Variants in ZZZ3 observed in about 807,000 individuals in gnomAD.
ZZZ3 encodes zinc finger ZZ-type containing 3.
Under a neutral mutation model 95.2 loss-of-function variants are expected in ZZZ3, and 22 were observed. That is an observed-to-expected ratio of 0.23 (90% CI 0.17 to 0.33). ZZZ3 has a LOEUF of 0.33. ZZZ3 is among the 10% of genes least tolerant of loss of function. ZZZ3 has a pLI of 1.00. For synonymous variants in ZZZ3, 335 were observed against 358.9 expected (o/e 0.93, Z 0.75); for missense variants, 885 against 1,066.5 (o/e 0.83, Z 2.37).
intron 5 of ZZZ3, among the ~76,000 whole-genome samples, chr1:77,603,229 C>T (rs1015549724): frequency 6.6e-6 from 1 of 152,112 alleles, no homozygotes; most frequent in Admixed American, 6.5e-5. Flanking sequence ...CAGGCGCAAG[C>T]CACAATGCCC....
intron 5 of ZZZ3, among the ~76,000 whole-genome samples, chr1:77,599,220 T>C (rs368729002): frequency 1.2e-4 from 18 of 152,144 alleles, no homozygotes; most frequent in South Asian, 1.0e-3. Context: ...CAAGACAAAA[T>C]TAAAACTTGT....
At chr1:77,627,552 T>C (rs553365927) in intron 5 of ZZZ3, among the ~76,000 whole-genome samples, 2 of 152,358 alleles carry the variant, frequency 1.3e-5, no homozygotes, top group African/African-American at 2.4e-5. Context: ...TTTAATCAAC[T>C]ATGAAATAAG....
At chr1:77,591,421 C>T (rs1457695621) in intron 5 of ZZZ3, among the ~76,000 whole-genome samples, 2 of 152,164 alleles carry the variant, frequency 1.3e-5, no homozygotes, top group African/African-American at 4.8e-5. Flanking sequence ...TAGGTCACTG[C>T]AGCCTCAAAC....
At chr1:77,590,464 T>G (rs982080706) in intron 5 of ZZZ3, among the ~76,000 whole-genome samples, 1 of 152,248 alleles carries the variant, frequency 6.6e-6, no homozygotes, top group African/African-American at 2.4e-5. Context: ...TTTACATAAT[T>G]TCTATGGCTG....
chr1:77,634,263 G>A (rs1307743449), intron 4 of ZZZ3, among the ~76,000 whole-genome samples: 3 of 152,092 alleles, frequency 2.0e-5, no homozygotes, highest in East Asian at 3.9e-4. Flanking sequence ...ATCATTTCTC[G>A]TGTTCTTTCA....
At chr1:77,665,207 A>G (rs752867514) in intron 1 of ZZZ3, among the ~76,000 whole-genome samples, 1 of 152,246 alleles carries the variant, frequency 6.6e-6, no homozygotes, top group Non-Finnish European at 1.5e-5. Context: ...AGAAACCAAC[A>G]TCAACTTAGA....
intron 5 of ZZZ3, among the ~76,000 whole-genome samples, chr1:77,613,873 A>G (rs1666054528): frequency 6.6e-6 from 1 of 152,178 alleles, no homozygotes; most frequent in Non-Finnish European, 1.5e-5. Context: ...CATTTTTAAT[A>G]TATCAAAAAT....
chr1:77,672,172 T>A (rs1324898018), intron 1 of ZZZ3, among the ~76,000 whole-genome samples: 1 of 152,222 alleles, frequency 6.6e-6, no homozygotes, highest in Non-Finnish European at 1.5e-5. Context: ...GATTCTGATA[T>A]TCAGAATCTG....
chr1:77,587,694 G>A (rs1297093831), intron 5 of ZZZ3, among the ~76,000 whole-genome samples: 2 of 152,166 alleles, frequency 1.3e-5, no homozygotes, highest in Non-Finnish European at 2.9e-5. Flanking sequence ...AGATGGATGA[G>A]AAACAATGTA....
In ZZZ3 at chr1:77,584,901, A is replaced by G. The variant is rs1041375686; in HGVS notation, c.1506-246T>C. The stretch of plus-strand genomic sequence containing the variant: ...TTAAGTTTTTAATTCTTGAACCTGA[A>G]CAAGTACCAAAATAAAAGAGCATTT... On this transcript the variant is annotated intron_variant, in intron 5 of 14. Transcript: ENST00000370801. 6 of 269,668 alleles carry G rather than the reference A, an allele frequency of 2.2e-5. No homozygotes were observed. In the South Asian group the frequency reaches 6.4e-4, roughly 29 times the overall value. The allele number at this position is 269,668 out of a possible 1,614,324, so 16.7% of individuals were successfully genotyped here. A position where few individuals can be genotyped will look rare whatever the true frequency, so the allele number is the denominator to read the frequency against.
chr1:77,577,646 G>T (rs1662093988), intron 11 of ZZZ3, among the ~76,000 whole-genome samples: 1 of 152,174 alleles, frequency 6.6e-6, no homozygotes, highest in Admixed American at 6.5e-5. Flanking sequence ...CTCTTTATGA[G>T]AAAGATGTCA....
chr1:77,682,328 G>C (rs535036341), intron 1 of ZZZ3, among the ~76,000 whole-genome samples: 2 of 152,358 alleles, frequency 1.3e-5, no homozygotes, highest in Non-Finnish European at 2.9e-5. Context: ...GTATCCAATG[G>C]AATCATCAGG....
intron 1 of ZZZ3, among the ~76,000 whole-genome samples, chr1:77,670,541 G>T (rs1016071062): frequency 6.6e-6 from 1 of 152,074 alleles, no homozygotes; most frequent in African/African-American, 2.4e-5. Flanking sequence ...TTACAGGCAT[G>T]ATGAGCCACT....
chr1:77,600,572 G>A (rs577621875), intron 5 of ZZZ3, among the ~76,000 whole-genome samples: 1 of 152,066 alleles, frequency 6.6e-6, no homozygotes, highest in Admixed American at 6.6e-5. Context: ...AAGGGTCAGG[G>A]GTGGCTTCCC....
At chr1:77,581,721 A>C in intron 8 of ZZZ3, 55 bp downstream of exon 8, 1 of 1,367,356 alleles carries the variant, frequency 7.3e-7, no homozygotes, top group Non-Finnish European at 1.0e-6. Flanking sequence ...GCAAAATGTT[A>C]AATTGTTTTG....
chr1:77,650,874 C>CT (rs1229553587), intron 1 of ZZZ3, among the ~76,000 whole-genome samples: 2 of 152,024 alleles, frequency 1.3e-5, no homozygotes, highest in African/African-American at 4.8e-5. Flanking sequence ...AGAGATGTTG[C>CT]TATAGATTCT....
intron 13 of ZZZ3, among the ~76,000 whole-genome samples, chr1:77,567,568 G>C (rs975315043): frequency 1.3e-5 from 2 of 152,166 alleles, no homozygotes; most frequent in African/African-American, 4.8e-5. Flanking sequence ...TTTATAAGGC[G>C]GTGCAAGCAG....
At chr1:77,587,409 C>T (rs1388480652) in intron 5 of ZZZ3, among the ~76,000 whole-genome samples, 1 of 151,812 alleles carries the variant, frequency 6.6e-6, no homozygotes, top group African/African-American at 2.4e-5. Context: ...GGACTACAGG[C>T]ACCCGCCACC....
At position 77,582,023 on chromosome 1, in the gene ZZZ3, T is replaced by C; in HGVS notation, c.1748A>G (p.Asn583Ser). 6.2e-7 allele frequency: 1 copy of C among 1,611,680 alleles called. No homozygotes were observed. The highest frequency in any genetic ancestry group is 8.5e-7 in the Non-Finnish European group (1 of 1,178,054). ...SLGNFEREFK[N>S]RKRHTRRVKL... is the part of the protein sequence containing the mutation. ...AACTCTTCTAGTATGTCTTTTACGA[T>C]TTTTAAATTCTCTTTCAAAATTCCC... The change falls in exon 7 of 15, where the codon AAT (asparagine) becomes AGT (serine). Residue 583 changes from asparagine to serine, a missense_variant. By Grantham distance (46) the Asn-to-Ser change is conservative. This residue lies in a region of ZZZ3 where 99 missense variants were observed against 119.8 expected (regional missense o/e 0.83). Transcript: ENST00000370801.
Sources: gnomAD v4.1 joint callset for allele counts (sites outside exome capture counted in the v4.1 genomes callset) on GRCh38, gnomAD v4.1.1 for gene constraint, gnomAD v4.1.1 regional missense constraint, MANE v1.5 for transcripts, NCBI Gene and HGNC (gene_info 2026-07-23, HGNC 2026-07-21) for gene names.